The following ARHGDIB variants were observed in gnomAD, a reference collection of about 807,000 sequenced individuals.
ARHGDIB encodes the protein Rho GDP dissociation inhibitor beta.
A neutral mutation model predicts 22.6 loss-of-function variants in ARHGDIB; 20 were observed. That is an observed-to-expected ratio of 0.88 (90% CI 0.62 to 1.28). The LOEUF is 1.28. Among genes scored for constraint, ARHGDIB ranks in the 50% most tolerant of loss-of-function variants. The pLI is 0.00. For synonymous variants in ARHGDIB, 114 were observed against 96.1 expected (o/e 1.19, Z -1.09); for missense variants, 254 against 245.4 (o/e 1.04, Z -0.23).
At chr12:14,958,247 G>T (rs1442700171) in intron 1 of ARHGDIB, among the ~76,000 whole-genome samples, 1 of 152,158 alleles carries the variant, frequency 6.6e-6, no homozygotes, top group East Asian at 1.9e-4. Context: ...TGTCCCTGGT[G>T]ACATGGAGGA....
Position 14,942,653 on chromosome 12 carries a change from C to T in ARHGDIB, c.475G>A (p.Val159Ile), listed in dbSNP as rs1384202778. 2.5e-6 allele frequency: 4 copies of T among 1,614,068 alleles called. No homozygotes were observed. The African/African-American group carries it at 4.0e-5, about 16-fold the overall frequency. ...AGCATGCCCTTGGGAGCCTCCTCAACTGGAGTGAGGAACTCATACTCCTCA... is the reference window on the plus strand; with the variant it reads ...AGCATGCCCTTGGGAGCCTCCTCAATTGGAGTGAGGAACTCATACTCCTCA... ...RPEEYEFLTP[V>I]EEAPKGMLAR... The change falls in exon 6 of 6, where the codon GTT becomes ATT. Residue 159 changes from valine to isoleucine, a missense_variant. By Grantham distance (29) the Val-to-Ile change is conservative. Coordinates refer to ENST00000228945, the MANE Select transcript of ARHGDIB (RefSeq NM_001175.7).
In ARHGDIB at chr12:14,950,525, C is replaced by T. The variant is rs1461406052; in HGVS notation, c.181+7G>A. ...TTCCACCCACCCTGTTCTCTGTACA[C>T]ACATACCTGTCACCACAGGACCATC... On this transcript the variant is annotated splice_region_variant and intron_variant, in intron 2 of 5. Coordinates refer to ENST00000228945, the MANE Select transcript of ARHGDIB (RefSeq NM_001175.7). 1 of 1,610,302 alleles carries T rather than the reference C, an allele frequency of 6.2e-7. No homozygotes were observed. The highest frequency in any genetic ancestry group is 1.3e-5 in the African/African-American group (1 of 74,918).
At chr12:14,943,931 C>G (rs923180720) in intron 5 of ARHGDIB, among the ~76,000 whole-genome samples, 1 of 152,144 alleles carries the variant, frequency 6.6e-6, no homozygotes, top group African/African-American at 2.4e-5. Context: ...TTTCATGAGA[C>G]TAGGTATCGG....
intron 4 of ARHGDIB, among the ~76,000 whole-genome samples, chr12:14,945,909 G>A (rs1043579068): frequency 2.6e-5 from 4 of 152,188 alleles, no homozygotes; most frequent in African/African-American, 9.6e-5. Flanking sequence ...AATACTGTGA[G>A]TCTCAAATGT....
At chr12:14,947,826 A>G (rs1205209346) in intron 4 of ARHGDIB, 47 bp downstream of exon 4, 1 of 1,449,788 alleles carries the variant, frequency 6.9e-7, no homozygotes, top group Non-Finnish European at 9.7e-7. Flanking sequence ...TCACTGATTA[A>G]AGAAAAGATT....
At chr12:14,942,878 T>A (rs934196470) in intron 5 of ARHGDIB, among the ~76,000 whole-genome samples, 157 bp from the exon 6 acceptor site, 4 of 151,978 alleles carry the variant, frequency 2.6e-5, no homozygotes, top group African/African-American at 9.7e-5. Context: ...GCATCTTTTT[T>A]TTTTTTTAAG....
intron 4 of ARHGDIB, among the ~76,000 whole-genome samples, chr12:14,946,669 T>C (rs1220943242): frequency 6.6e-6 from 1 of 152,148 alleles, no homozygotes; most frequent in Non-Finnish European, 1.5e-5. Context: ...ACCACATTCC[T>C]CCTCCACCTC....
In ARHGDIB at chr12:14,949,848, G is replaced by T. The variant is rs1469934175; in HGVS notation, c.219C>A (p.Thr73=). The T allele has an allele frequency of 1.2e-6, 2 of 1,613,566 alleles. No homozygotes were observed. The highest frequency in any genetic ancestry group is 1.7e-6 in the Non-Finnish European group (2 of 1,179,718). Residue 73 remains threonine, a synonymous_variant, in exon 3 of 6, where the codon ACC becomes ACA. Transcript: ENST00000228945. ...GTCCCGGGGCACTCTCACAAACCAG[G>T]GTGAGCCGGGTGACAACGACATTGG... The part of the protein sequence containing the change: ...KAPNVVVTRL[T]LVCESAPGPI...
Position 14,949,795 on chromosome 12 carries a change from T to A in ARHGDIB, c.265+7A>T, listed in dbSNP as rs1303189363. The A allele has an allele frequency of 6.2e-7, 1 of 1,613,070 alleles. No homozygotes were observed. Among genetic ancestry groups the A allele is most frequent in the East Asian group, 2.2e-5 (1 of 44,842 alleles). On this transcript the variant is annotated splice_region_variant and intron_variant, in intron 3 of 5. Transcript: ENST00000228945. ...CCCCTTTGAACAGTACAGATGTGTCTACATACCAGTAAGGTCCATGGTGAT... is the reference window on the plus strand; with the variant it reads ...CCCCTTTGAACAGTACAGATGTGTCAACATACCAGTAAGGTCCATGGTGAT...
intron 1 of ARHGDIB, among the ~76,000 whole-genome samples, chr12:14,952,371 C>G (rs1033455349): frequency 2.6e-5 from 4 of 151,736 alleles, no homozygotes; most frequent in Non-Finnish European, 5.9e-5. Flanking sequence ...TATGAGCTAG[C>G]CTTGACCAAC....
intron 5 of ARHGDIB, among the ~76,000 whole-genome samples, chr12:14,944,265 A>G (rs1863954024): frequency 6.6e-6 from 1 of 151,794 alleles, no homozygotes; most frequent in African/African-American, 2.4e-5. Flanking sequence ...TTAATTAGAC[A>G]GGCTTTTTCA....
intron 1 of ARHGDIB, among the ~76,000 whole-genome samples, chr12:14,959,531 T>C (rs1248516940): frequency 2.6e-5 from 4 of 152,200 alleles, no homozygotes; most frequent in Non-Finnish European, 5.9e-5. Flanking sequence ...AGGCACTCAA[T>C]GAATGTTGGT....
At chr12:14,951,383 C>G (rs1482542169) in intron 1 of ARHGDIB, among the ~76,000 whole-genome samples, 1 of 152,188 alleles carries the variant, frequency 6.6e-6, no homozygotes, top group Non-Finnish European at 1.5e-5. Flanking sequence ...TTGAATTCCC[C>G]CTAAAACACT....
At chr12:14,951,631 G>T (rs1456772393) in intron 1 of ARHGDIB, among the ~76,000 whole-genome samples, 1 of 151,266 alleles carries the variant, frequency 6.6e-6, no homozygotes, top group Admixed American at 6.6e-5. Context: ...GACCTTATAA[G>T]GCCCCACCTG....
rs754772521 is a variant in ARHGDIB at position 14,952,775 on chromosome 12, A to G, written c.-12-2051T>C. On this transcript the variant is annotated intron_variant, in intron 1 of 5. Coordinates refer to ENST00000228945, the MANE Select transcript of ARHGDIB (RefSeq NM_001175.7). ...TGACCGAGCATCGGAACAACGGTTCATAGAGGAAGACATCCCAGCCCCCAT... is the reference window on the plus strand; with the variant it reads ...TGACCGAGCATCGGAACAACGGTTCGTAGAGGAAGACATCCCAGCCCCCAT... 1.3e-3 allele frequency among the ~76,000 whole-genome samples: 198 copies of G among 152,330 alleles called. 1 individual carries two copies. The highest frequency in any genetic ancestry group is 2.4e-3 in the Non-Finnish European group (163 of 68,020).
chr12:14,953,349 G>T (rs1232818056), intron 1 of ARHGDIB, among the ~76,000 whole-genome samples: 2 of 152,178 alleles, frequency 1.3e-5, no homozygotes, highest in Non-Finnish European at 2.9e-5. Flanking sequence ...TGATTAGAAA[G>T]AGTAATAATA....
rs184726681 is a variant in ARHGDIB, at chr12:14,942,175, G to A, written c.*347C>T. 15 of 278,244 alleles carry A rather than the reference G, an allele frequency of 5.4e-5. No individual in the cohort carries two copies. In the East Asian group the frequency reaches 9.9e-4, roughly 18 times the overall value. The allele number at this position is 278,244 out of a possible 1,614,324, so 17.2% of individuals were successfully genotyped here. ...AATCTAGGCATTAGAATGAACTACT[G>A]GAACCTGAGTCAAAGACCTGTTAGT... On this transcript the variant is annotated 3_prime_UTR_variant, in exon 6 of 6. Coordinates refer to ENST00000228945, the MANE Select transcript of ARHGDIB (RefSeq NM_001175.7).
chr12:14,946,769 C>CACA (rs1864025072), intron 4 of ARHGDIB, among the ~76,000 whole-genome samples: 1 of 152,144 alleles, frequency 6.6e-6, no homozygotes, highest in African/African-American at 2.4e-5. Flanking sequence ...TTGAGGAAAC[C>CACA]TGGTTTACCA....
In ARHGDIB at chr12:14,948,224, A is replaced by G. The variant is rs7311522; in HGVS notation, c.266-275T>C. Among the ~76,000 whole-genome samples the G allele has an allele frequency of 3.5e-3, 528 of 152,218 alleles. 4 individuals are homozygous for G. The highest frequency in any genetic ancestry group is 0.012 in the African/African-American group (515 of 41,520). On this transcript the variant is annotated intron_variant, in intron 3 of 5. Transcript: ENST00000228945. ...TTGATGACAATGCTAAAAATACACA[A>G]GACATTACAAATAATGAGTTGTGAA...
Sources: allele counts gnomAD v4.1 joint callset (sites outside exome capture counted in the v4.1 genomes callset), GRCh38; gene constraint gnomAD v4.1.1; transcripts MANE v1.5; gene names NCBI Gene and HGNC (gene_info 2026-07-23, HGNC 2026-07-21).